Variants in TPTE observed in about 807,000 individuals in gnomAD.
TPTE encodes the protein putative tyrosine-protein phosphatase TPTE.
TPTE carries 59 observed loss-of-function variants against 84.1 expected under a neutral mutation model. The observed-to-expected ratio is 0.70, with a 90% CI of 0.57 to 0.87. The LOEUF (loss-of-function observed/expected upper bound fraction) is 0.87. TPTE is among the 40% of genes least tolerant of loss of function. The pLI, the probability that TPTE is intolerant of heterozygous loss-of-function variation, is 0.00. For synonymous variants in TPTE, 130 were observed against 223.5 expected (o/e 0.58, Z 3.73); for missense variants, 382 against 659.6 (o/e 0.58, Z 4.61).
At chr21:10,527,176 C>G (rs1184353491) in intron 2 of TPTE, among the ~76,000 whole-genome samples, 179 bp from the exon 3 acceptor site, 1 of 151,990 alleles carries the variant, frequency 6.6e-6, no homozygotes, top group African/African-American at 2.4e-5. Flanking sequence ...CACACAGACA[C>G]ACACACACAC....
chr21:10,577,818 C>T (rs1230973216), intron 15 of TPTE, among the ~76,000 whole-genome samples: 1 of 152,308 alleles, frequency 6.6e-6, no homozygotes, highest in African/African-American at 2.4e-5. Flanking sequence ...TTCTGTTTTT[C>T]TTGCCAGATT....
intron 22 of TPTE, among the ~76,000 whole-genome samples, chr21:10,602,422 G>A (rs370760644): frequency 6.8e-3 from 1,007 of 148,590 alleles, no homozygotes; most frequent in Non-Finnish European, 0.011. Context: ...ACAAAGTCAA[G>A]ATGCTAAAAA....
At chr21:10,575,918 TAAA>T (rs1325327122) in intron 14 of TPTE, among the ~76,000 whole-genome samples, 23 of 152,356 alleles carry the variant, frequency 1.5e-4, no homozygotes, top group African/African-American at 5.5e-4. Flanking sequence ...TGGCTACTAT[TAAA>T]AAGCCAAAAA....
chr21:10,529,757 TAATTAA>T (rs2074143461), intron 3 of TPTE, among the ~76,000 whole-genome samples: 1 of 152,302 alleles, frequency 6.6e-6, no homozygotes, highest in East Asian at 1.9e-4. Context: ...ATTCAGTTTA[TAATTAA>T]TATCCATGTT....
intron 7 of TPTE, among the ~76,000 whole-genome samples, chr21:10,552,102 C>T (rs1267012256): frequency 9.2e-5 from 14 of 152,422 alleles, no homozygotes; most frequent in Admixed American, 3.3e-4. Context: ...GCAACGCCCT[C>T]CACCAGCAAA....
At chr21:10,603,251 G>A (rs1218673364) in intron 22 of TPTE, among the ~76,000 whole-genome samples, 1 of 152,306 alleles carries the variant, frequency 6.6e-6, no homozygotes, top group Non-Finnish European at 1.5e-5. Context: ...TATAGACATA[G>A]GTCCTTAGTA....
intron 17 of TPTE, among the ~76,000 whole-genome samples, chr21:10,585,912 A>C (rs534605700): frequency 3.1e-3 from 462 of 150,816 alleles, no homozygotes; most frequent in African/African-American, 0.011. Context: ...TAGTGTCTGC[A>C]GAGATGTTCC....
intron 4 of TPTE, chr21:10,540,883 C>T (rs576820932): frequency 1.2e-4 from 83 of 689,724 alleles, no homozygotes; most frequent in East Asian, 1.0e-3. Context: ...GATACCCTTA[C>T]TTAATCTGCA....
At chr21:10,529,216 G>A (rs2074134831) in intron 3 of TPTE, among the ~76,000 whole-genome samples, 1 of 152,012 alleles carries the variant, frequency 6.6e-6, no homozygotes, top group African/African-American at 2.4e-5. Context: ...TTCCTGTGCA[G>A]ATTATCTGTT....
chr21:10,599,387 A>T (rs1161128110), intron 21 of TPTE, among the ~76,000 whole-genome samples: 1 of 152,308 alleles, frequency 6.6e-6, no homozygotes, highest in African/African-American at 2.4e-5. Context: ...TGAAATATGC[A>T]TTCTGAAATA....
At chr21:10,556,541 C>T (rs1488250327) in intron 8 of TPTE, among the ~76,000 whole-genome samples, 1 of 152,310 alleles carries the variant, frequency 6.6e-6, no homozygotes. Context: ...GATTTATAAT[C>T]CTTTGGGTAT....
intron 10 of TPTE, among the ~76,000 whole-genome samples, chr21:10,567,406 T>G (rs1362175663): frequency 2.0e-5 from 3 of 152,312 alleles, no homozygotes; most frequent in Non-Finnish European, 4.4e-5. Context: ...TTATTACGCA[T>G]TTAGTTATAT....
chr21:10,533,692 A>G (rs1165800872), intron 3 of TPTE, among the ~76,000 whole-genome samples: 1 of 152,310 alleles, frequency 6.6e-6, no homozygotes, highest in Non-Finnish European at 1.5e-5. Context: ...AAGCTGTGTC[A>G]TTGTCAGTAA....
chr21:10,533,521 A>G (rs930575977), intron 3 of TPTE, among the ~76,000 whole-genome samples: 7 of 152,308 alleles, frequency 4.6e-5, no homozygotes, highest in African/African-American at 7.2e-5. Context: ...TTTTGTGGCT[A>G]TTGGCTACTC....
chr21:10,561,951 T>G (rs1408283080), intron 10 of TPTE, among the ~76,000 whole-genome samples: 2 of 152,312 alleles, frequency 1.3e-5, no homozygotes, highest in Non-Finnish European at 2.9e-5. Flanking sequence ...TGTGCTGGCC[T>G]CAGGTCTGAC....
intron 19 of TPTE, among the ~76,000 whole-genome samples, chr21:10,595,001 G>T (rs1415538767): frequency 1.3e-5 from 2 of 152,310 alleles, no homozygotes; most frequent in Non-Finnish European, 2.9e-5. Context: ...TTTCCCAATG[G>T]GTAAGGAACA....
At chr21:10,598,353 A>C (rs2075628600) in intron 21 of TPTE, among the ~76,000 whole-genome samples, 1 of 152,312 alleles carries the variant, frequency 6.6e-6, no homozygotes, top group African/African-American at 2.4e-5. Context: ...ACTTCCACAA[A>C]CACTGAGCGT....
At chr21:10,530,691 A>G (rs889085481) in intron 3 of TPTE, among the ~76,000 whole-genome samples, 1 of 152,308 alleles carries the variant, frequency 6.6e-6, no homozygotes, top group Non-Finnish European at 1.5e-5. Flanking sequence ...ACAGGACTTG[A>G]TGGGCCATGG....
chr21:10,597,974 G>A (rs540739566), intron 20 of TPTE, 41 bp from the exon 21 acceptor site: 22 of 1,608,628 alleles, frequency 1.4e-5, no homozygotes, highest in East Asian at 1.3e-4. Context: ...TGATGTTCAC[G>A]CTAGCCAACC....
Sources: gnomAD v4.1 joint callset for allele counts (sites outside exome capture counted in the v4.1 genomes callset) on GRCh38, gnomAD v4.1.1 for gene constraint, MANE v1.5 for transcripts, NCBI Gene and HGNC (gene_info 2026-07-23, HGNC 2026-07-21) for gene names.